The following LOXL4 variants were observed in gnomAD, a reference collection of about 807,000 sequenced individuals.
LOXL4 encodes lysyl oxidase homolog 4.
In LOXL4, 72 loss-of-function variants were observed where a neutral mutation model predicts 89.1. The ratio of observed to expected loss-of-function variants is 0.81; its 90% CI spans 0.67 to 0.98. LOXL4 has a LOEUF of 0.98. Among genes scored for constraint, LOXL4 ranks in the 50% least tolerant of loss-of-function variants. The pLI, the probability that LOXL4 is intolerant of heterozygous loss-of-function variation, is 0.00. For missense variants in LOXL4, 984 were observed against 1,017.5 expected (o/e 0.97, Z 0.45); for synonymous variants, 355 against 392.1 (o/e 0.91, Z 1.12).
Position 98,262,045 on chromosome 10 carries a change from A to G in LOXL4, c.446T>C (p.Leu149Pro). ...GAACAGCCTCCTCACCTGGGGCCCAAGGGCATTGGAGACAGTTTCAGAAAG... is the reference window on the plus strand; with the variant it reads ...GAACAGCCTCCTCACCTGGGGCCCAGGGGCATTGGAGACAGTTTCAGAAAG... ...GYLSETVSNA[L>P]GPQGRRLEEV... Residue 149 changes from leucine to proline, a missense_variant, in exon 3 of 15, where the codon CTT becomes CCT. Leu to Pro is a moderately conservative substitution (Grantham distance 98). Transcript: ENST00000260702. The G allele has an allele frequency of 1.2e-6, 2 of 1,607,946 alleles. No homozygotes were observed. Among genetic ancestry groups the G allele is most frequent in the Non-Finnish European group, 1.7e-6 (2 of 1,176,946 alleles).
At chr10:98,265,987 G>C (rs536349235) in intron 1 of LOXL4, among the ~76,000 whole-genome samples, 1 of 152,254 alleles carries the variant, frequency 6.6e-6, no homozygotes, top group South Asian at 2.1e-4. Flanking sequence ...TTCCTTTCCA[G>C]ACTGAAACAC....
chr10:98,249,615 C>T (rs765798758), intron 14 of LOXL4, among the ~76,000 whole-genome samples: 1 of 152,254 alleles, frequency 6.6e-6, no homozygotes, highest in Non-Finnish European at 1.5e-5. Flanking sequence ...AACTCAGACT[C>T]TCACCCGAGT....
chr10:98,260,866 C>G (rs1302976295), intron 4 of LOXL4, 56 bp downstream of exon 4: 1 of 1,528,998 alleles, frequency 6.5e-7, no homozygotes, highest in Non-Finnish European at 8.9e-7. Flanking sequence ...AACACACACT[C>G]AGTCCCTGCC....
At position 98,260,802 on chromosome 10, in the gene LOXL4, CAT is replaced by C. The variant is rs763047519; in HGVS notation, c.662+118_662+119del. ...TGTGTGCATACTTACTTGCCCCTCA[CAT>C]GAGTCCACACTCAGACTCATGCACA... On this transcript the variant is annotated intron_variant, in intron 4 of 14. Transcript: ENST00000260702. 7.2e-5 allele frequency: 77 copies of C among 1,070,196 alleles called. 1 individual carries two copies. The highest frequency in any genetic ancestry group is 1.0e-4 in the Admixed American group (5 of 48,832). 66.3% of individuals were successfully genotyped at this position (1,070,196 alleles called of 1,614,324 possible).
At chr10:98,250,813 T>G (rs1858169221) in intron 14 of LOXL4, among the ~76,000 whole-genome samples, 2 of 152,188 alleles carry the variant, frequency 1.3e-5, no homozygotes, top group African/African-American at 4.8e-5. Flanking sequence ...GAAACTGAGT[T>G]TACAATCAAA....
At chr10:98,255,787 C>T (rs1355015483) in intron 9 of LOXL4, 48 bp from the exon 10 acceptor site, 1 of 1,579,352 alleles carries the variant, frequency 6.3e-7, no homozygotes, top group Non-Finnish European at 8.7e-7. Flanking sequence ...TTGGAGTCAC[C>T]TCCTGACTCC....
rs1590883533 is a variant in LOXL4, at chr10:98,261,067, G to A, written c.517C>T (p.Pro173Ser). 1 of 1,613,876 alleles carries A rather than the reference G, an allele frequency of 6.2e-7. No homozygotes were observed. Among genetic ancestry groups the A allele is most frequent in the East Asian group, 2.2e-5 (1 of 44,868 alleles). Reference sequence around the variant, plus strand: ...ACCTCCACGGCTCCCTCGGTCACTGGGCTATGCTGCTTGGCACTGGCAAGG... The same window carrying A: ...ACCTCCACGGCTCCCTCGGTCACTGAGCTATGCTGCTTGGCACTGGCAAGG... ...PILASAKQHSPVTEGAVEVKY... is the reference protein window; with the variant it reads ...PILASAKQHSSVTEGAVEVKY... Residue 173 changes from proline (P) to serine (S), a missense_variant, in exon 4 of 15, where the codon CCA becomes TCA. Transcript: ENST00000260702.
Position 98,258,109 on chromosome 10 carries a change from A to G in LOXL4, c.977T>C (p.Val326Ala), listed in dbSNP as rs1331706608. The G allele has an allele frequency of 1.2e-6, 2 of 1,613,348 alleles. No homozygotes were observed. The highest frequency in any genetic ancestry group is 1.7e-6 in the Non-Finnish European group (2 of 1,179,960). ...GAQVGEGRVE[V>A]LMNRQWGTVC... ...CGTGCCCCACTGGCGGTTCATGAGC[A>G]CTTCCACCCGGCCCTCGCCCACCTG... The change falls in exon 7 of 15, where the codon GTG becomes GCG. Residue 326 changes from valine to alanine, a missense_variant. By Grantham distance (64) the Val-to-Ala change is moderately conservative. Transcript: ENST00000260702.
chr10:98,251,782 GTCA>G (rs1858200351), intron 12 of LOXL4, 80 bp from the exon 13 acceptor site: 3 of 1,529,616 alleles, frequency 2.0e-6, no homozygotes, highest in African/African-American at 1.4e-5. Flanking sequence ...CCAGTTCAGT[GTCA>G]TCATGCCCAG....
intron 9 of LOXL4, chr10:98,256,423 C>G (rs1858366045): frequency 3.3e-6 from 1 of 302,144 alleles, no homozygotes; most frequent in Non-Finnish European, 6.1e-6. Flanking sequence ...TCATGTTTGA[C>G]AGCACTCTCG....
Position 98,259,437 on chromosome 10 carries a change from G to A in LOXL4, c.663-8C>T. 1 of 1,612,628 alleles carries A rather than the reference G, an allele frequency of 6.2e-7. No homozygotes were observed. The highest frequency in any genetic ancestry group is 8.5e-7 in the Non-Finnish European group (1 of 1,179,418). ...TTCAGATCCCAGACTTTCCTGTTAT[G>A]GGAGAAAACAGATAGGAGGTGGAAG... On this transcript the variant is annotated splice_polypyrimidine_tract_variant and splice_region_variant and intron_variant, in intron 4 of 14. Coordinates refer to ENST00000260702, the MANE Select transcript of LOXL4 (RefSeq NM_032211.7).
chr10:98,259,204 GT>G lies in LOXL4; in HGVS notation c.725del (p.Asn242ThrfsTer87), dbSNP rs1260325853. 1 of 1,611,442 alleles carries G rather than the reference GT, an allele frequency of 6.2e-7. No individual in the cohort carries two copies. The highest frequency in any genetic ancestry group is 8.5e-7 in the Non-Finnish European group (1 of 1,179,314). On this transcript the variant is annotated frameshift_variant, in exon 6 of 15. Coordinates refer to ENST00000260702, the MANE Select transcript of LOXL4 (RefSeq NM_032211.7). LOFTEE classifies it high-confidence loss of function. Reference sequence around the variant, plus strand: ...AGGTGACCTGGTGGATCCAGAAGGAGTTCTTATTCGTCAGGCTCTTCAGCCT... The same window carrying G: ...AGGTGACCTGGTGGATCCAGAAGGAGTCTTATTCGTCAGGCTCTTCAGCCT... ...KSRLKSLTNK[N>X]SFWIHQVTCL... is the part of the protein sequence containing the mutation.
chr10:98,262,310 C>T lies in LOXL4; in HGVS notation c.278-97G>A, dbSNP rs1858567138. 4.5e-6 allele frequency: 6 copies of T among 1,328,716 alleles called. No individual in the cohort carries two copies. The South Asian group carries it at 5.2e-5, about 12-fold the overall frequency. 82.3% of individuals were successfully genotyped at this position (1,328,716 alleles called of 1,614,324 possible). On this transcript the variant is annotated intron_variant, in intron 2 of 14. Coordinates refer to ENST00000260702, the MANE Select transcript of LOXL4 (RefSeq NM_032211.7). ...CCCACACTTACCAAGTCACCTCTTC[C>T]AAACCCTGGGAGAAAGTGGCAGGGA...
chr10:98,251,045 C>G lies in LOXL4; in HGVS notation c.2200+20G>C, dbSNP rs753717983. 3.8e-6 allele frequency: 6 copies of G among 1,582,950 alleles called. No homozygotes were observed. Among genetic ancestry groups the G allele is most frequent in the Admixed American group, 1.7e-5 (1 of 59,916 alleles). On this transcript the variant is annotated intron_variant, in intron 14 of 14. Transcript: ENST00000260702. ...TCCCTGAGCCTATAGATGGCTGATTCCACAGTGGCTCGGAGTTACCTGTGT... is the reference window on the plus strand; with the variant it reads ...TCCCTGAGCCTATAGATGGCTGATTGCACAGTGGCTCGGAGTTACCTGTGT...
Position 98,263,001 on chromosome 10 carries a change from C to G in LOXL4, c.19G>C (p.Ala7Pro), listed in dbSNP as rs1180611581. ...AGCAGCAGGAACAGAAAGAGGGTGG[C>G]TGGTGGGGACCACGCCATGGTGACT... is the stretch of plus-strand genomic sequence containing the variant. MAWSPPATLFLFLLLLG... is the reference protein window; with the variant it reads MAWSPPPTLFLFLLLLG... Residue 7 changes from alanine to proline, a missense_variant, in exon 2 of 15, where the codon GCC becomes CCC. Coordinates refer to ENST00000260702, the MANE Select transcript of LOXL4 (RefSeq NM_032211.7). 1 of 1,613,354 alleles carries G rather than the reference C, an allele frequency of 6.2e-7. No individual in the cohort carries two copies. The highest frequency in any genetic ancestry group is 8.5e-7 in the Non-Finnish European group (1 of 1,179,908).
Position 98,262,057 on chromosome 10 carries a change from A to G in LOXL4, c.434T>C (p.Val145Ala). 3.1e-6 allele frequency: 5 copies of G among 1,610,682 alleles called. No homozygotes were observed. The highest frequency in any genetic ancestry group is 4.2e-6 in the Non-Finnish European group (5 of 1,178,556). ...RRHRGYLSET[V>A]SNALGPQGRR... ...CACCTGGGGCCCAAGGGCATTGGAG[A>G]CAGTTTCAGAAAGGTAGCCACGATG... The change falls in exon 3 of 15, where the codon GTC (valine) becomes GCC (alanine). Residue 145 changes from valine to alanine, a missense_variant. Physicochemically the swap from Val to Ala is moderately conservative, Grantham distance 64. Coordinates refer to ENST00000260702, the MANE Select transcript of LOXL4 (RefSeq NM_032211.7).
chr10:98,251,257 G>T, intron 13 of LOXL4, 81 bp from the exon 14 acceptor site: 1 of 1,080,146 alleles, frequency 9.3e-7, no homozygotes, highest in Non-Finnish European at 1.4e-6. Flanking sequence ...ATCCTTACAT[G>T]TGTTTCTATT....
Position 98,259,024 on chromosome 10 carries a change from T to C in LOXL4, c.906A>G (p.Lys302=). The C allele has an allele frequency of 6.4e-7, 1 of 1,551,928 alleles. No individual in the cohort carries two copies. The highest frequency in any genetic ancestry group is 1.2e-5 in the South Asian group (1 of 84,158). Residue 302 remains lysine (K), a synonymous_variant, in exon 6 of 15, where the codon AAA becomes AAG. Transcript: ENST00000260702. The stretch of plus-strand genomic sequence containing the variant: ...CAGGGCTCACCTCTGCCCAGGACCC[T>C]TTGCGTTGTGGCTTTGTCTTCGGTG... The part of the protein sequence containing the change: ...FRPPKTKPQR[K]GSWAEEPRVR...
intron 4 of LOXL4, among the ~76,000 whole-genome samples, chr10:98,259,993 G>C (rs1052805061): frequency 6.6e-6 from 1 of 152,186 alleles, no homozygotes; most frequent in Non-Finnish European, 1.5e-5. Context: ...AACCCTTTAG[G>C]GAAGCAGGAT....
Sources: gnomAD v4.1 joint callset for allele counts (sites outside exome capture counted in the v4.1 genomes callset) on GRCh38, gnomAD v4.1.1 for gene constraint, MANE v1.5 for transcripts, NCBI Gene and HGNC (gene_info 2026-07-23, HGNC 2026-07-21) for gene names.